The following FAF1 variants were observed in gnomAD, a reference collection of about 807,000 sequenced individuals.
FAF1 encodes Fas associated factor 1, also known as FAS-associated factor 1.
FAF1 carries 25 observed loss-of-function variants against 92.5 expected under a neutral mutation model. The ratio of observed to expected loss-of-function variants is 0.27; its 90% confidence interval spans 0.20 to 0.38. The LOEUF is 0.38. Among genes scored for constraint, FAF1 ranks in the 10% least tolerant of loss-of-function variants. The pLI is 1.00. For missense variants in FAF1, 636 were observed against 793.3 expected, an observed-to-expected ratio of 0.80 and a Z score of 2.38; for synonymous variants, 234 against 273.2, an observed-to-expected ratio of 0.86 and a Z score of 1.42.
At chr1:50,449,282 T>C (rs1431140031) in intron 18 of FAF1, among the ~76,000 whole-genome samples, 2 of 152,156 alleles carry the variant, frequency 1.3e-5, no homozygotes, top group Non-Finnish European at 2.9e-5. Context: ...GGGACATTTC[T>C]TATGCACAGT....
rs1478324686 is a variant in FAF1 at position 50,490,459 on chromosome 1, GGAAAAAGAAA to G, written c.1653+119_1653+128del. 1.3e-3 allele frequency: 257 copies of G among 201,928 alleles called. 2 individuals carry two copies. The highest frequency in any genetic ancestry group is 5.3e-3 in the African/African-American group (71 of 13,462). 12.5% of individuals were successfully genotyped at this position (201,928 alleles called of 1,614,324 possible). A position where few individuals can be genotyped will look rare whatever the true frequency, so the allele number is the denominator to read the frequency against. ...AGGAAGGAAGGAAGGAAGGAAGGAA[GGAAAAAGAAA>G]GAAGGAAGGAAGGAAGGAAGGAAAG... On this transcript the variant is annotated intron_variant, in intron 17 of 18. Coordinates refer to ENST00000396153, the MANE Select transcript of FAF1 (RefSeq NM_007051.3).
rs1230395505 is a variant in FAF1, at chr1:50,490,671, G to T, written c.1576-6C>A. 5 of 1,582,804 alleles carry T rather than the reference G, an allele frequency of 3.2e-6. No homozygotes were observed. The highest frequency in any genetic ancestry group is 4.3e-6 in the Non-Finnish European group (5 of 1,151,694). ...TCTCTCTCGTGAGCTTCCCTCTGTT[G>T]ATAAAACAGAAAAGGAACAAGCACT... On this transcript the variant is annotated splice_region_variant and splice_polypyrimidine_tract_variant and intron_variant, in intron 16 of 18. Transcript: ENST00000396153.
At chr1:50,612,462 C>A in intron 8 of FAF1, 1 of 1,091,198 alleles carries the variant, frequency 9.2e-7, no homozygotes, top group Non-Finnish European at 1.1e-6. Flanking sequence ...ACAGAACCTT[C>A]AAATATGCAA....
Position 50,833,408 on chromosome 1 carries a change from C to T in FAF1, c.114+24521G>A, listed in dbSNP as rs115776512. Among the ~76,000 whole-genome samples, 790 of 151,792 alleles carry T rather than the reference C, an allele frequency of 5.2e-3. 3 individuals are homozygous for T. The highest frequency in any genetic ancestry group is 0.018 in the African/African-American group (739 of 41,352). ...CACAGGGTGGTAAGGTGTGTGGGGG[C>T]GGGTGTGTGGGAGACAGTGCTTCTA... On this transcript the variant is annotated intron_variant, in intron 2 of 18. Coordinates refer to ENST00000396153, the MANE Select transcript of FAF1 (RefSeq NM_007051.3).
At chr1:50,526,937 G>A (rs921082125) in intron 15 of FAF1, among the ~76,000 whole-genome samples, 1 of 151,096 alleles carries the variant, frequency 6.6e-6, no homozygotes, top group Non-Finnish European at 1.5e-5. Context: ...TCACTGCAAC[G>A]TCTGCCTCTC....
intron 8 of FAF1, among the ~76,000 whole-genome samples, chr1:50,637,712 T>TGTGTGTGTGC (rs1303561273): frequency 2.7e-5 from 4 of 150,542 alleles, no homozygotes; most frequent in Non-Finnish European, 5.9e-5. Flanking sequence ...TGTGTGTGTG[T>TGTGTGTGTGC]GCGTGTGCAT....
chr1:50,772,301 G>T (rs1289016447), intron 4 of FAF1, among the ~76,000 whole-genome samples: 2 of 152,144 alleles, frequency 1.3e-5, no homozygotes, highest in Non-Finnish European at 2.9e-5. Flanking sequence ...ATCTCTCAAA[G>T]AACTTAAGAA....
chr1:50,452,416 T>A (rs947325227), intron 18 of FAF1, among the ~76,000 whole-genome samples: 13 of 152,160 alleles, frequency 8.5e-5, no homozygotes, highest in Admixed American at 7.2e-4. Flanking sequence ...GCCAGGAACC[T>A]CAGAGCTGGG....
intron 8 of FAF1, among the ~76,000 whole-genome samples, chr1:50,645,785 G>A (rs183727236): frequency 4.6e-5 from 7 of 151,716 alleles, no homozygotes; most frequent in African/African-American, 1.5e-4. Flanking sequence ...CTGAGATCAC[G>A]CCACTGCAGT....
intron 1 of FAF1, among the ~76,000 whole-genome samples, chr1:50,946,765 C>G (rs1280660558): frequency 1.3e-5 from 2 of 152,160 alleles, no homozygotes; most frequent in Non-Finnish European, 2.9e-5. Flanking sequence ...AATCCCATTT[C>G]CTATAGGGCA....
intron 18 of FAF1, among the ~76,000 whole-genome samples, chr1:50,471,557 C>T (rs1338388854): frequency 1.3e-5 from 2 of 152,226 alleles, no homozygotes; most frequent in African/African-American, 4.8e-5. Flanking sequence ...TCCCTCATTA[C>T]TTTGTTTTAG....
rs1644651416 is a variant in FAF1 at position 50,885,324 on chromosome 1, A to ACACACACACACACACACACACT, written c.46-27328_46-27327insAGTGTGTGTGTGTGTGTGTGTG. 2.2e-3 allele frequency among the ~76,000 whole-genome samples: 225 copies of ACACACACACACACACACACACT among 102,216 alleles called. 1 individual carries two copies. Among genetic ancestry groups the ACACACACACACACACACACACT allele is most frequent in the African/African-American group, 7.4e-3 (209 of 28,270 alleles). 67.1% of individuals were successfully genotyped at this position (102,216 alleles called of 152,430 possible). A position where few individuals can be genotyped will look rare whatever the true frequency, so the allele number is the denominator to read the frequency against. On this transcript the variant is annotated intron_variant, in intron 1 of 18. Coordinates refer to ENST00000396153, the MANE Select transcript of FAF1 (RefSeq NM_007051.3). The stretch of plus-strand genomic sequence containing the variant: ...CTCTCTCTCTCTCTCACACACACAC[A>ACACACACACACACACACACACT]CTCTCTCTCTCTCTCTCTCAATATT...
intron 8 of FAF1, among the ~76,000 whole-genome samples, chr1:50,644,363 G>A (rs1370956746): frequency 6.6e-6 from 1 of 152,164 alleles, no homozygotes; most frequent in Non-Finnish European, 1.5e-5. Context: ...TGTAAACTCT[G>A]GGGATTGTTT....
At chr1:50,444,162 A>T (rs1403052287) in intron 18 of FAF1, among the ~76,000 whole-genome samples, 3 of 152,170 alleles carry the variant, frequency 2.0e-5, no homozygotes, top group Non-Finnish European at 2.9e-5. Flanking sequence ...AGAGAAACCT[A>T]GGGGGATGTA....
chr1:50,767,131 G>T (rs565285649), intron 4 of FAF1, among the ~76,000 whole-genome samples: 1 of 152,314 alleles, frequency 6.6e-6, no homozygotes, highest in East Asian at 1.9e-4. Context: ...GAACCAAAGT[G>T]ATCTGATAGA....
Position 50,960,004 on chromosome 1 carries a change from A to AC in FAF1, c.-194dup. On this transcript the variant is annotated 5_prime_UTR_variant, in exon 1 of 19. Transcript: ENST00000396153. ...GCGCTAGGCGCTCATGCACTCGGTAACCTTCAGGCGCCCCGGCCGCCCGCC... is the reference window on the plus strand; with the variant it reads ...GCGCTAGGCGCTCATGCACTCGGTAACCCTTCAGGCGCCCCGGCCGCCCGCC... The AC allele has an allele frequency of 2.5e-6, 1 of 394,166 alleles. No individual in the cohort carries two copies. The highest frequency in any genetic ancestry group is 3.6e-5 in the East Asian group (1 of 27,784). The allele number at this position is 394,166 out of a possible 1,614,324, so 24.4% of individuals were successfully genotyped here.
chr1:50,598,036 G>A (rs112279132), intron 8 of FAF1, among the ~76,000 whole-genome samples: 1,897 of 152,214 alleles, frequency 0.012, 42 homozygotes, highest in African/African-American at 0.042. Context: ...GCTCATGCCT[G>A]TAATTCCAGC....
At chr1:50,772,169 T>C (rs993159552) in intron 4 of FAF1, among the ~76,000 whole-genome samples, 2 of 152,042 alleles carry the variant, frequency 1.3e-5, no homozygotes, top group African/African-American at 2.4e-5. Context: ...AAAAACAATA[T>C]TCTGAAAAAT....
At chr1:50,832,769 T>C (rs938771677) in intron 2 of FAF1, among the ~76,000 whole-genome samples, 3 of 152,214 alleles carry the variant, frequency 2.0e-5, no homozygotes, top group Non-Finnish European at 2.9e-5. Context: ...TGTTTCCCCA[T>C]GTGGGAAAAT....
Sources: allele counts gnomAD v4.1 joint callset (sites outside exome capture counted in the v4.1 genomes callset), GRCh38; gene constraint gnomAD v4.1.1; transcripts MANE v1.5; gene names NCBI Gene and HGNC (gene_info 2026-07-23, HGNC 2026-07-21).